Variants in PCED1B observed in about 807,000 individuals in gnomAD.
The protein encoded by PCED1B is PC-esterase domain containing 1B, also known as PC-esterase domain-containing protein 1B.
For missense variants in PCED1B, 573 were observed against 573.9 expected (o/e 1.00, Z 0.02); for synonymous variants, 251 against 246.1 (o/e 1.02, Z -0.19).
chr12:47,084,864 G>A (rs1487837064), intron 1 of PCED1B, among the ~76,000 whole-genome samples: 1 of 152,168 alleles, frequency 6.6e-6, no homozygotes, highest in Non-Finnish European at 1.5e-5. Flanking sequence ...GGCTGGGATC[G>A]GTGGCTCATG....
chr12:47,148,567 G>C (rs1257907157), intron 2 of PCED1B, among the ~76,000 whole-genome samples: 1 of 152,142 alleles, frequency 6.6e-6, no homozygotes, highest in African/African-American at 2.4e-5. Context: ...GTCTTAATGG[G>C]GGATCCAGGG....
At chr12:47,151,240 G>C (rs975265530) in intron 2 of PCED1B, among the ~76,000 whole-genome samples, 1 of 151,874 alleles carries the variant, frequency 6.6e-6, no homozygotes, top group Non-Finnish European at 1.5e-5. Context: ...GATCCCATAA[G>C]ATTAAATTGT....
chr12:47,144,214 C>T (rs767069412), intron 2 of PCED1B, among the ~76,000 whole-genome samples: 26 of 152,066 alleles, frequency 1.7e-4, no homozygotes, highest in African/African-American at 5.6e-4. Flanking sequence ...CTAAGGCAGC[C>T]GAGGAGCAAT....
At chr12:47,144,876 T>C (rs989105097) in intron 2 of PCED1B, among the ~76,000 whole-genome samples, 3 of 152,170 alleles carry the variant, frequency 2.0e-5, no homozygotes, top group African/African-American at 7.2e-5. Context: ...ATATTGAAAT[T>C]AGGTCAATTA....
intron 2 of PCED1B, among the ~76,000 whole-genome samples, chr12:47,129,370 T>C (rs1295451151): frequency 6.6e-6 from 1 of 152,056 alleles, no homozygotes; most frequent in Non-Finnish European, 1.5e-5. Context: ...CTACCTGTGG[T>C]TCCAGCTACT....
chr12:47,175,723 G>A (rs891171247), intron 2 of PCED1B, among the ~76,000 whole-genome samples: 3 of 151,646 alleles, frequency 2.0e-5, no homozygotes, highest in East Asian at 3.9e-4. Flanking sequence ...ACAGGCATCC[G>A]CCACCATGCC....
rs151046501 is a variant in PCED1B at position 47,116,159 on chromosome 12, C to T, written c.-526+11964C>T. Among the ~76,000 whole-genome samples, 739 of 152,272 alleles carry T rather than the reference C, an allele frequency of 4.9e-3. 2 individuals carry two copies. The highest frequency in any genetic ancestry group is 8.1e-3 in the Non-Finnish European group (552 of 68,016). Reference sequence around the variant, plus strand: ...AAAATGACCTTTACTATCAACGTATCTACATGGTGTCAAGTAATTGGAAGG... The same window carrying T: ...AAAATGACCTTTACTATCAACGTATTTACATGGTGTCAAGTAATTGGAAGG... On this transcript the variant is annotated intron_variant, in intron 2 of 3. Transcript: ENST00000546455.
chr12:47,145,022 T>C (rs1306476815), intron 2 of PCED1B, among the ~76,000 whole-genome samples: 1 of 152,122 alleles, frequency 6.6e-6, no homozygotes, highest in Non-Finnish European at 1.5e-5. Flanking sequence ...TTGTGCCAAA[T>C]AGTTAACCAG....
intron 1 of PCED1B, among the ~76,000 whole-genome samples, chr12:47,094,898 T>C (rs975552433): frequency 2.7e-5 from 4 of 148,852 alleles, no homozygotes; most frequent in Admixed American, 2.0e-4. Flanking sequence ...CTCTCTCTCT[T>C]TCTTTTTTTT....
intron 1 of PCED1B, among the ~76,000 whole-genome samples, chr12:47,100,932 G>A (rs1160584715): frequency 1.3e-5 from 2 of 152,096 alleles, no homozygotes; most frequent in African/African-American, 4.8e-5. Context: ...AGCCGGGCAT[G>A]GTGATGCATG....
chr12:47,164,850 A>G (rs1303935477), intron 2 of PCED1B, among the ~76,000 whole-genome samples: 1 of 152,204 alleles, frequency 6.6e-6, no homozygotes, highest in Non-Finnish European at 1.5e-5. Context: ...GCAGCAGCCC[A>G]AGCTGTTTAT....
intron 2 of PCED1B, among the ~76,000 whole-genome samples, chr12:47,176,279 A>G (rs1019409753): frequency 2.6e-5 from 4 of 152,138 alleles, no homozygotes; most frequent in Non-Finnish European, 5.9e-5. Context: ...TTTGTTTCTA[A>G]TATTTGTTTT....
chr12:47,219,888 C>A (rs1158120732), intron 3 of PCED1B, among the ~76,000 whole-genome samples: 4 of 151,458 alleles, frequency 2.6e-5, no homozygotes, highest in Non-Finnish European at 1.5e-5. Flanking sequence ...AAAAGGAAAC[C>A]TTAAGCTTAT....
intron 2 of PCED1B, among the ~76,000 whole-genome samples, chr12:47,155,110 G>A (rs1055338232): frequency 2.0e-5 from 3 of 152,056 alleles, no homozygotes; most frequent in African/African-American, 7.2e-5. Context: ...GCAATAGTTC[G>A]GAAAGATGAG....
intron 2 of PCED1B, among the ~76,000 whole-genome samples, chr12:47,121,087 G>C (rs1215817508): frequency 6.6e-6 from 1 of 152,132 alleles, no homozygotes; most frequent in Non-Finnish European, 1.5e-5. Flanking sequence ...GGTTCCACAT[G>C]TCTATGAAAA....
chr12:47,187,265 G>A (rs989785261), intron 2 of PCED1B, among the ~76,000 whole-genome samples: 1 of 152,218 alleles, frequency 6.6e-6, no homozygotes, highest in Non-Finnish European at 1.5e-5. Flanking sequence ...GAGAGATAGT[G>A]TTCATAGGGA....
chr12:47,198,748 T>A (rs1216079154), intron 2 of PCED1B, among the ~76,000 whole-genome samples: 1 of 152,122 alleles, frequency 6.6e-6, no homozygotes, highest in Admixed American at 6.5e-5. Context: ...GCGGATCACC[T>A]GAGGTCAGGA....
chr12:47,185,423 C>A (rs1460100119), intron 2 of PCED1B, among the ~76,000 whole-genome samples: 1 of 152,162 alleles, frequency 6.6e-6, no homozygotes, highest in Admixed American at 6.5e-5. Flanking sequence ...CCAAGTATTG[C>A]TGGTGTAGGA....
At chr12:47,205,142 GT>G in intron 2 of PCED1B, among the ~76,000 whole-genome samples, 1 of 152,276 alleles carries the variant, frequency 6.6e-6, no homozygotes, top group African/African-American at 2.4e-5. Context: ...TGGGTAGGGG[GT>G]TGGAAAGTGG....
Sources: allele counts gnomAD v4.1 joint callset (sites outside exome capture counted in the v4.1 genomes callset), GRCh38; gene constraint gnomAD v4.1.1; transcripts MANE v1.5; gene names NCBI Gene and HGNC (gene_info 2026-07-23, HGNC 2026-07-21).